Variants in ASCC3 observed in about 807,000 individuals in gnomAD.
ASCC3 encodes ASC-1 complex subunit P200.
Under a neutral mutation model 256.3 loss-of-function variants are expected in ASCC3, and 158 were observed. That is an observed-to-expected ratio of 0.62 (90% CI 0.54 to 0.70). ASCC3 has a LOEUF of 0.70. ASCC3 is among the 30% of genes least tolerant of loss of function. The pLI is 0.00. For missense variants in ASCC3, 2,259 were observed against 2,626.0 expected (o/e 0.86, Z 3.05); for synonymous variants, 948 against 883.4 (o/e 1.07, Z -1.30).
intron 4 of ASCC3, among the ~76,000 whole-genome samples, chr6:100,846,375 A>G (rs574271607): frequency 6.6e-6 from 1 of 152,352 alleles, no homozygotes; most frequent in South Asian, 2.1e-4. Context: ...CCATTTTCAT[A>G]TACGAACAGG....
chr6:100,655,971 C>T (rs1263495636), intron 16 of ASCC3, among the ~76,000 whole-genome samples, 153 bp from the exon 17 acceptor site: 1 of 151,546 alleles, frequency 6.6e-6, no homozygotes, highest in Non-Finnish European at 1.5e-5. Context: ...AACACTTTGC[C>T]AATTAATTAA....
At chr6:100,783,591 A>G (rs552543118) in intron 8 of ASCC3, among the ~76,000 whole-genome samples, 39 of 152,278 alleles carry the variant, frequency 2.6e-4, no homozygotes, top group African/African-American at 6.0e-4. Context: ...ATGAGCTCCA[A>G]CTATGACTTT....
At chr6:100,589,312 A>C (rs1051429873) in intron 36 of ASCC3, among the ~76,000 whole-genome samples, 7 of 152,142 alleles carry the variant, frequency 4.6e-5, no homozygotes, top group Non-Finnish European at 8.8e-5. Context: ...AAAAGCTTTC[A>C]ATCATAATTC....
intron 13 of ASCC3, among the ~76,000 whole-genome samples, chr6:100,685,492 T>C (rs1207497828): frequency 6.6e-6 from 1 of 152,232 alleles, no homozygotes; most frequent in African/African-American, 2.4e-5. Flanking sequence ...TCAGAAACTC[T>C]GAGGGTGGGG....
At chr6:100,583,538 G>C (rs1189494522) in intron 36 of ASCC3, among the ~76,000 whole-genome samples, 1 of 152,044 alleles carries the variant, frequency 6.6e-6, no homozygotes, top group Non-Finnish European at 1.5e-5. Context: ...CCAAAAACCA[G>C]CTCCTGAATT....
intron 10 of ASCC3, among the ~76,000 whole-genome samples, chr6:100,727,953 G>GT (rs1779718165): frequency 6.6e-6 from 1 of 152,016 alleles, no homozygotes. Context: ...CTATTTGGCT[G>GT]TAAGTCAAAG....
intron 36 of ASCC3, among the ~76,000 whole-genome samples, chr6:100,577,440 T>G (rs183780501): frequency 7.5e-4 from 114 of 152,194 alleles, no homozygotes; most frequent in Middle Eastern, 3.4e-3. Flanking sequence ...CTTCTAACAT[T>G]CGAGTAACTC....
chr6:100,817,317 A>T lies in ASCC3; in HGVS notation c.802-11437T>A, dbSNP rs527283263. ...AAAATTTATAGCTGTAAATGCATAT[A>T]TAAAGAAAAAGTGAGATCTCAAACC... On this transcript the variant is annotated intron_variant, in intron 4 of 41. Coordinates refer to ENST00000369162, the MANE Select transcript of ASCC3 (RefSeq NM_006828.4). Among the ~76,000 whole-genome samples, 3 of 151,980 alleles carry T rather than the reference A, an allele frequency of 2.0e-5. No individual in the cohort carries two copies. The East Asian group carries it at 5.8e-4, about 30-fold the overall frequency.
chr6:100,724,472 G>C (rs1195777505), intron 11 of ASCC3, among the ~76,000 whole-genome samples: 1 of 151,806 alleles, frequency 6.6e-6, no homozygotes, highest in Non-Finnish European at 1.5e-5. Flanking sequence ...AAAGACAGAA[G>C]GGACTTTGCA....
At chr6:100,813,479 A>C (rs1440545646) in intron 4 of ASCC3, among the ~76,000 whole-genome samples, 1 of 152,058 alleles carries the variant, frequency 6.6e-6, no homozygotes, top group Non-Finnish European at 1.5e-5. Context: ...ACAACAAAAA[A>C]AAAACACAAA....
chr6:100,703,027 C>T (rs1463985591), intron 13 of ASCC3, among the ~76,000 whole-genome samples: 1 of 151,970 alleles, frequency 6.6e-6, no homozygotes, highest in Admixed American at 6.6e-5. Context: ...AGTTTTTGAC[C>T]AGTCTAATAG....
intron 23 of ASCC3, 127 bp downstream of exon 23, chr6:100,643,904 T>C (rs538714910): frequency 3.1e-5 from 20 of 653,724 alleles, no homozygotes; most frequent in East Asian, 2.5e-4. Context: ...TTAAAACTAA[T>C]AGGAAACTAA....
At chr6:100,863,021 G>A (rs915263063) in intron 3 of ASCC3, among the ~76,000 whole-genome samples, 1 of 152,160 alleles carries the variant, frequency 6.6e-6, no homozygotes, top group Non-Finnish European at 1.5e-5. Flanking sequence ...AGTAATGAAG[G>A]CAAGAATGAA....
chr6:100,796,612 G>A (rs1769629194), intron 8 of ASCC3, among the ~76,000 whole-genome samples: 1 of 152,058 alleles, frequency 6.6e-6, no homozygotes, highest in Admixed American at 6.6e-5. Flanking sequence ...TACACACATA[G>A]AGAAGAGGCT....
chr6:100,652,456 G>A (rs1775719367), intron 18 of ASCC3, among the ~76,000 whole-genome samples: 1 of 152,074 alleles, frequency 6.6e-6, no homozygotes, highest in Admixed American at 6.6e-5. Flanking sequence ...TCTGAAAACC[G>A]TTACATGTAA....
intron 37 of ASCC3, chr6:100,530,320 T>A: frequency 2.8e-6 from 4 of 1,442,486 alleles, no homozygotes; most frequent in Non-Finnish European, 3.9e-6. Context: ...TTTGTCAGTT[T>A]ATGATCTTCA....
At chr6:100,713,666 C>A (rs1028525424) in intron 13 of ASCC3, among the ~76,000 whole-genome samples, 1 of 152,044 alleles carries the variant, frequency 6.6e-6, no homozygotes, top group East Asian at 1.9e-4. Flanking sequence ...CACATGGAAA[C>A]TCTACTTTCC....
intron 14 of ASCC3, among the ~76,000 whole-genome samples, chr6:100,663,788 A>G (rs1269689024): frequency 1.3e-5 from 2 of 152,172 alleles, no homozygotes; most frequent in Non-Finnish European, 2.9e-5. Flanking sequence ...TTACAGCTAC[A>G]GTGTGATACA....
chr6:100,607,454 A>T (rs1488783354), intron 30 of ASCC3, among the ~76,000 whole-genome samples: 2 of 151,942 alleles, frequency 1.3e-5, no homozygotes, highest in Non-Finnish European at 2.9e-5. Flanking sequence ...AGTGCCAAAA[A>T]TTTTAAAAAT....
Sources: allele counts gnomAD v4.1 joint callset (sites outside exome capture counted in the v4.1 genomes callset), GRCh38; gene constraint gnomAD v4.1.1; transcripts MANE v1.5; gene names NCBI Gene and HGNC (gene_info 2026-07-23, HGNC 2026-07-21).